SLC24A3: variants seen among roughly 807,000 people sequenced by gnomAD.
SLC24A3 encodes the protein solute carrier family 24 member 3, also known as sodium/potassium/calcium exchanger 3.
A neutral mutation model predicts 75.8 loss-of-function variants in SLC24A3; 28 were observed. The ratio of observed to expected loss-of-function variants is 0.37; its 90% CI spans 0.27 to 0.51. The LOEUF (loss-of-function observed/expected upper bound fraction) is 0.51, where lower values mean the gene tolerates loss of function less well. SLC24A3 is among the 20% of genes least tolerant of loss of function. SLC24A3 has a pLI of 0.94. For missense variants in SLC24A3, 663 were observed against 847.8 expected, an observed-to-expected ratio of 0.78 and a Z score of 2.71; for synonymous variants, 372 against 334.1, an observed-to-expected ratio of 1.11 and a Z score of -1.24.
At chr20:19,508,825 A>G (rs1319269716) in intron 2 of SLC24A3, among the ~76,000 whole-genome samples, 1 of 152,270 alleles carries the variant, frequency 6.6e-6, no homozygotes. Context: ...TTCTCCCTGC[A>G]TAGGTAGCTG....
chr20:19,260,362 G>C (rs1393864726), intron 1 of SLC24A3, among the ~76,000 whole-genome samples: 1 of 152,188 alleles, frequency 6.6e-6, no homozygotes, highest in Non-Finnish European at 1.5e-5. Flanking sequence ...AAGGTGTTGA[G>C]ATGCAAAAAG....
intron 2 of SLC24A3, among the ~76,000 whole-genome samples, chr20:19,502,811 G>C (rs1988404685): frequency 6.9e-6 from 1 of 145,312 alleles, no homozygotes; most frequent in South Asian, 2.2e-4. Flanking sequence ...TGGGAGGATA[G>C]CTTGAGGCCA....
At chr20:19,655,077 G>A (rs1026479531) in intron 7 of SLC24A3, among the ~76,000 whole-genome samples, 5 of 152,142 alleles carry the variant, frequency 3.3e-5, no homozygotes, top group Admixed American at 3.3e-4. Context: ...TACCCATTTG[G>A]CTTAATTGTA....
chr20:19,274,629 A>G (rs991273355), intron 1 of SLC24A3, among the ~76,000 whole-genome samples: 6 of 151,872 alleles, frequency 4.0e-5, no homozygotes, highest in African/African-American at 1.5e-4. Context: ...TGGAAAACCC[A>G]TGAGAAAAAT....
At chr20:19,367,651 G>A (rs1243013018) in intron 2 of SLC24A3, among the ~76,000 whole-genome samples, 1 of 152,184 alleles carries the variant, frequency 6.6e-6, no homozygotes, top group African/African-American at 2.4e-5. Context: ...CGTCTACTAA[G>A]CCACACCTTA....
chr20:19,342,778 A>C (rs1396409915), intron 2 of SLC24A3, among the ~76,000 whole-genome samples: 1 of 152,174 alleles, frequency 6.6e-6, no homozygotes, highest in Non-Finnish European at 1.5e-5. Context: ...AAGAGTTTGA[A>C]AAGGCAGAAG....
chr20:19,217,029 C>G (rs868186062), intron 1 of SLC24A3, among the ~76,000 whole-genome samples: 1 of 152,238 alleles, frequency 6.6e-6, no homozygotes, highest in Non-Finnish European at 1.5e-5. Flanking sequence ...AACACCCACA[C>G]GTGGCCTCTC....
At chr20:19,716,644 GGCC>G (rs2033049715) in intron 15 of SLC24A3, among the ~76,000 whole-genome samples, 1 of 152,004 alleles carries the variant, frequency 6.6e-6, no homozygotes, top group Admixed American at 6.6e-5. Context: ...CACTTTGGGT[GGCC>G]GAGCTGGGAG....
intron 3 of SLC24A3, among the ~76,000 whole-genome samples, chr20:19,536,300 T>C (rs2030394646): frequency 6.6e-6 from 1 of 152,148 alleles, no homozygotes; most frequent in African/African-American, 2.4e-5. Flanking sequence ...TTTTAGCAAG[T>C]GCAAGCAAGG....
chr20:19,476,080 A>G (rs1041893655), intron 2 of SLC24A3, among the ~76,000 whole-genome samples: 4 of 152,182 alleles, frequency 2.6e-5, no homozygotes, highest in African/African-American at 9.7e-5. Context: ...ATCCTCCTTG[A>G]TCTCCCATTC....
At chr20:19,320,596 T>C (rs1423313546) in intron 2 of SLC24A3, among the ~76,000 whole-genome samples, 1 of 152,146 alleles carries the variant, frequency 6.6e-6, no homozygotes, top group Non-Finnish European at 1.5e-5. Context: ...CATGTTACAT[T>C]ACGTTACACA....
chr20:19,410,225 A>G (rs182057341), intron 2 of SLC24A3, among the ~76,000 whole-genome samples: 1 of 152,320 alleles, frequency 6.6e-6, no homozygotes, highest in Admixed American at 6.5e-5. Flanking sequence ...AAAAATACCT[A>G]CAAAGAAGCA....
chr20:19,439,893 G>A (rs3827983), intron 2 of SLC24A3, among the ~76,000 whole-genome samples: 6,577 of 152,288 alleles, frequency 0.043, 478 homozygotes, highest in East Asian at 0.33. Context: ...TTAAACTGAG[G>A]AAGCTGTTGG....
chr20:19,708,902 AG>A (rs2032958647), intron 15 of SLC24A3, among the ~76,000 whole-genome samples: 1 of 152,226 alleles, frequency 6.6e-6, no homozygotes, highest in Admixed American at 6.5e-5. Flanking sequence ...CTACTGTGGA[AG>A]GGCTTACCTG....
chr20:19,552,125 C>T (rs767257192), intron 3 of SLC24A3, among the ~76,000 whole-genome samples: 2 of 152,162 alleles, frequency 1.3e-5, no homozygotes, highest in Non-Finnish European at 2.9e-5. Flanking sequence ...ATTGTTAGTA[C>T]GTTCCTAGAA....
At chr20:19,315,833 G>A (rs976644746) in intron 2 of SLC24A3, among the ~76,000 whole-genome samples, 1 of 152,190 alleles carries the variant, frequency 6.6e-6, no homozygotes, top group Non-Finnish European at 1.5e-5. Flanking sequence ...GTGCCAGTAA[G>A]CCTGTCCACA....
chr20:19,567,666 GA>G (rs1355184147), intron 3 of SLC24A3, among the ~76,000 whole-genome samples: 54 of 152,042 alleles, frequency 3.6e-4, no homozygotes, highest in Admixed American at 3.5e-3. Flanking sequence ...AAGTTCAAAA[GA>G]AAAAATAAAC....
chr20:19,590,205 A>G (rs1212589321), intron 6 of SLC24A3, among the ~76,000 whole-genome samples: 7 of 151,740 alleles, frequency 4.6e-5, no homozygotes, highest in Non-Finnish European at 5.9e-5. Flanking sequence ...TAGCACAAAC[A>G]ATGTGCAGCT....
chr20:19,648,055 G>A, intron 6 of SLC24A3, among the ~76,000 whole-genome samples: 1 of 152,184 alleles, frequency 6.6e-6, no homozygotes, highest in Non-Finnish European at 1.5e-5. Flanking sequence ...TTTCGATAGT[G>A]AACTTCTAGA....
Sources: gnomAD v4.1 joint callset for allele counts (sites outside exome capture counted in the v4.1 genomes callset) on GRCh38, gnomAD v4.1.1 for gene constraint, MANE v1.5 for transcripts, NCBI Gene and HGNC (gene_info 2026-07-23, HGNC 2026-07-21) for gene names.